Variants in IL7 observed in about 807,000 individuals in gnomAD.
IL7 encodes interleukin-7.
In IL7, 3 loss-of-function variants were observed where a neutral mutation model predicts 21.6. The observed-to-expected ratio is 0.14, with a 90% CI of 0.06 to 0.36. The LOEUF (loss-of-function observed/expected upper bound fraction) is 0.36. Among genes scored for constraint, IL7 ranks in the 10% least tolerant of loss-of-function variants. The pLI is 1.00. For synonymous variants in IL7, 62 were observed against 68.1 expected, an observed-to-expected ratio of 0.91 and a Z score of 0.44; for missense variants, 175 against 200.2, an observed-to-expected ratio of 0.87 and a Z score of 0.76.
intron 2 of IL7, among the ~76,000 whole-genome samples, chr8:78,786,925 A>G (rs1813527775): frequency 6.6e-6 from 1 of 152,108 alleles, no homozygotes; most frequent in African/African-American, 2.4e-5. Flanking sequence ...GCTGAAGGTT[A>G]TGTTGATCAC....
intron 2 of IL7, among the ~76,000 whole-genome samples, chr8:78,743,074 C>CT (rs899307866): frequency 2.0e-5 from 3 of 152,140 alleles, no homozygotes; most frequent in African/African-American, 7.2e-5. Flanking sequence ...TGATCTCATT[C>CT]TTTTTTGTGG....
downstream of IL7, among the ~76,000 whole-genome samples, chr8:78,716,525 A>G (rs891475845): frequency 1.3e-5 from 2 of 152,142 alleles, no homozygotes; most frequent in African/African-American, 4.8e-5. Flanking sequence ...AAATAATAAA[A>G]CTAAAATAAA....
At chr8:78,729,175 G>C (rs1478842428), downstream of IL7, among the ~76,000 whole-genome samples, 1 of 151,916 alleles carries the variant, frequency 6.6e-6, no homozygotes, top group Non-Finnish European at 1.5e-5. Flanking sequence ...GAGCTTTCCT[G>C]TTTCATCTAA....
At chr8:78,787,266 G>C (rs763111936) in intron 2 of IL7, among the ~76,000 whole-genome samples, 7 of 152,136 alleles carry the variant, frequency 4.6e-5, no homozygotes, top group Non-Finnish European at 7.3e-5. Flanking sequence ...TCTGAAATGG[G>C]GGTGGAGGGG....
rs116413907 is a variant in IL7, at chr8:78,786,359, A to G, written c.147+11713T>C. On this transcript the variant is annotated intron_variant, in intron 2 of 5. Transcript: ENST00000263851. ...AGAACAGGTACAGTAAAAATATGGT[A>G]TAAAATATTAAAAATAGTACACTTG... Among the ~76,000 whole-genome samples the G allele has an allele frequency of 7.6e-3, 1,158 of 152,308 alleles. 19 individuals carry two copies. The highest frequency in any genetic ancestry group is 0.026 in the African/African-American group (1,070 of 41,566).
chr8:78,788,962 T>G (rs538994308), intron 2 of IL7, among the ~76,000 whole-genome samples: 1 of 152,294 alleles, frequency 6.6e-6, no homozygotes, highest in African/African-American at 2.4e-5. Flanking sequence ...CCTTTATTAT[T>G]ATGTAATGCA....
chr8:78,736,920 G>T (rs1287149129), intron 4 of IL7, among the ~76,000 whole-genome samples: 1 of 152,000 alleles, frequency 6.6e-6, no homozygotes, highest in Admixed American at 6.6e-5. Context: ...TCACTTATCA[G>T]AAACAAAATG....
intron 2 of IL7, among the ~76,000 whole-genome samples, chr8:78,750,606 G>A (rs906858932): frequency 2.0e-5 from 3 of 152,130 alleles, no homozygotes; most frequent in Non-Finnish European, 2.9e-5. Flanking sequence ...GGCAGATCAC[G>A]AGGTCAGGAG....
intron 3 of IL7, among the ~76,000 whole-genome samples, chr8:78,691,020 A>G (rs930656358): frequency 6.6e-6 from 1 of 152,122 alleles, no homozygotes; most frequent in Non-Finnish European, 1.5e-5. Context: ...CATGTCACCT[A>G]TAAATAAGGA....
chr8:78,746,886 A>G, intron 2 of IL7: 1 of 357,324 alleles, frequency 2.8e-6, no homozygotes, highest in Non-Finnish European at 5.5e-6. Flanking sequence ...ACAGCTGTTC[A>G]TTCTTACCCA....
intron 4 of IL7, among the ~76,000 whole-genome samples, chr8:78,681,289 C>A (rs758721168): frequency 3.3e-5 from 5 of 151,220 alleles, no homozygotes; most frequent in Admixed American, 3.3e-4. Context: ...ATAATAGAAG[C>A]GATGAATAAT....
intron 5 of IL7, among the ~76,000 whole-genome samples, chr8:78,734,359 T>C (rs1811503897): frequency 6.6e-6 from 1 of 152,164 alleles, no homozygotes; most frequent in South Asian, 2.1e-4. Context: ...TAAAAAGGGC[T>C]ACCTGTACAA....
intron 1 of IL7, among the ~76,000 whole-genome samples, chr8:78,804,124 A>G (rs1179742365): frequency 6.6e-6 from 1 of 152,080 alleles, no homozygotes; most frequent in Non-Finnish European, 1.5e-5. Flanking sequence ...CTGCCATCCG[A>G]ATCCAACCCT....
downstream of IL7, chr8:78,717,721 T>G (rs1363411863): frequency 9.5e-6 from 3 of 315,354 alleles, no homozygotes; most frequent in Non-Finnish European, 1.7e-5. Context: ...TTCAAGGAAA[T>G]ATTCACTTAT....
At chr8:78,761,064 T>A in intron 2 of IL7, 1 of 1,611,794 alleles carries the variant, frequency 6.2e-7, no homozygotes, top group African/African-American at 1.3e-5. Flanking sequence ...CTAATATTTG[T>A]GTCACTATTT....
chr8:78,683,422 G>C (rs1809854778), intron 4 of IL7, among the ~76,000 whole-genome samples: 1 of 152,212 alleles, frequency 6.6e-6, no homozygotes, highest in South Asian at 2.1e-4. Context: ...TCAACACCAT[G>C]TGGAAGCTGC....
intron 3 of IL7, among the ~76,000 whole-genome samples, chr8:78,702,170 G>T (rs1810626151): frequency 6.6e-6 from 1 of 152,114 alleles, no homozygotes; most frequent in Admixed American, 6.5e-5. Context: ...TCTGTTCAGG[G>T]ATTCAATTTC....
intron 2 of IL7, among the ~76,000 whole-genome samples, chr8:78,767,644 G>A (rs1296576524): frequency 6.6e-6 from 1 of 152,070 alleles, no homozygotes; most frequent in East Asian, 1.9e-4. Flanking sequence ...TTATTTTTGT[G>A]TTTTAATATT....
chr8:78,685,257 G>A (rs919880297), intron 4 of IL7, among the ~76,000 whole-genome samples: 5 of 151,802 alleles, frequency 3.3e-5, no homozygotes, highest in African/African-American at 1.2e-4. Flanking sequence ...GCATAGCCAT[G>A]TTAAAAAAAT....
Sources: allele counts gnomAD v4.1 joint callset (sites outside exome capture counted in the v4.1 genomes callset), GRCh38; gene constraint gnomAD v4.1.1; transcripts MANE v1.5; gene names NCBI Gene and HGNC (gene_info 2026-07-23, HGNC 2026-07-21).